Variants in CTNNA2 observed in about 807,000 individuals in gnomAD.
CTNNA2 encodes catenin alpha 2.
In CTNNA2, 42 loss-of-function variants were observed where a neutral mutation model predicts 101.0. The ratio of observed to expected loss-of-function variants is 0.42; its 90% CI spans 0.32 to 0.54. The LOEUF (loss-of-function observed/expected upper bound fraction) is 0.54. Ranked by LOEUF, CTNNA2 falls within the 20% of genes least tolerant of loss-of-function variation. CTNNA2 has a pLI of 0.14. For synonymous variants in CTNNA2, 450 were observed against 456.4 expected (o/e 0.99, Z 0.18); for missense variants, 871 against 1,223.1 (o/e 0.71, Z 4.29).
chr2:80,165,068 T>G (rs1704585768), intron 7 of CTNNA2, among the ~76,000 whole-genome samples: 1 of 151,670 alleles, frequency 6.6e-6, no homozygotes, highest in African/African-American at 2.4e-5. Flanking sequence ...TTCTTGAACC[T>G]GTAACTTTAT....
intron 7 of CTNNA2, among the ~76,000 whole-genome samples, chr2:80,240,241 C>A (rs1489957275): frequency 6.6e-6 from 1 of 152,184 alleles, no homozygotes; most frequent in East Asian, 1.9e-4. Flanking sequence ...CTCTAAGACA[C>A]ACATGAAATA....
At chr2:80,381,266 AG>A (rs762209172) in intron 7 of CTNNA2, among the ~76,000 whole-genome samples, 63 of 151,986 alleles carry the variant, frequency 4.1e-4, no homozygotes, top group Non-Finnish European at 7.9e-4. Flanking sequence ...ACCCAAAGCA[AG>A]CAAAAGACAG....
chr2:80,627,379 T>C (rs1671794933), intron 18 of CTNNA2, among the ~76,000 whole-genome samples: 1 of 152,168 alleles, frequency 6.6e-6, no homozygotes, highest in African/African-American at 2.4e-5. Flanking sequence ...CCAGCATCTG[T>C]TGTTTCCTGA....
chr2:79,287,513 C>T (rs985652817), intron 2 of CTNNA2, among the ~76,000 whole-genome samples: 1 of 150,684 alleles, frequency 6.6e-6, no homozygotes, highest in East Asian at 1.9e-4. Flanking sequence ...AGTACCCGGC[C>T]GTGTGAGGTG....
chr2:79,876,707 T>TTA (rs1683049394), intron 6 of CTNNA2, among the ~76,000 whole-genome samples: 1 of 152,192 alleles, frequency 6.6e-6, no homozygotes, highest in South Asian at 2.1e-4. Flanking sequence ...CCAATTAATG[T>TTA]AACAACCGAT....
intron 2 of CTNNA2, among the ~76,000 whole-genome samples, chr2:79,215,244 C>G (rs928886886): frequency 1.3e-5 from 2 of 152,156 alleles, no homozygotes; most frequent in Admixed American, 6.5e-5. Flanking sequence ...TGTGGGCATT[C>G]CTTGGCCTGG....
At chr2:79,684,708 G>T (rs12472740) in intron 2 of CTNNA2, among the ~76,000 whole-genome samples, 71,158 of 151,830 alleles carry the variant, frequency 0.47, 17,175 homozygotes, top group Non-Finnish European at 0.53. Context: ...TTTTGGAGAC[G>T]GCATAGGGGA....
At chr2:80,320,591 G>GT (rs1678584019) in intron 7 of CTNNA2, among the ~76,000 whole-genome samples, 1 of 152,180 alleles carries the variant, frequency 6.6e-6, no homozygotes, top group African/African-American at 2.4e-5. Context: ...TCAAGTGTGG[G>GT]ATGAAGAGAG....
chr2:80,509,994 T>G (rs766735774), intron 9 of CTNNA2, among the ~76,000 whole-genome samples: 1 of 152,222 alleles, frequency 6.6e-6, no homozygotes, highest in Non-Finnish European at 1.5e-5. Context: ...TCCTTTATTA[T>G]GTTTGTTGAC....
intron 1 of CTNNA2, among the ~76,000 whole-genome samples, chr2:79,610,818 A>G (rs1050211813): frequency 6.6e-6 from 1 of 152,122 alleles, no homozygotes; most frequent in African/African-American, 2.4e-5. Context: ...ATGTTCCGCA[A>G]ATTATCAAAT....
At chr2:79,532,937 G>T in intron 1 of CTNNA2, among the ~76,000 whole-genome samples, 1 of 152,106 alleles carries the variant, frequency 6.6e-6, no homozygotes, top group South Asian at 2.1e-4. Flanking sequence ...ATTCCAAAAA[G>T]ACATTATCAT....
At chr2:80,617,227 C>T (rs183603825) in intron 17 of CTNNA2, among the ~76,000 whole-genome samples, 10 of 151,644 alleles carry the variant, frequency 6.6e-5, no homozygotes, top group African/African-American at 2.2e-4. Context: ...AGAAATTGTG[C>T]TAAGTGACTA....
At chr2:80,572,184 T>C (rs1164304527) in intron 12 of CTNNA2, among the ~76,000 whole-genome samples, 1 of 152,202 alleles carries the variant, frequency 6.6e-6, no homozygotes, top group Non-Finnish European at 1.5e-5. Context: ...TATGCTTTAA[T>C]TTGTTTACCT....
Position 80,303,194 on chromosome 2 carries a change from A to C in CTNNA2, c.1057-90017A>C. The C allele has an allele frequency of 6.2e-7, 1 of 1,613,964 alleles. No individual in the cohort carries two copies. Among genetic ancestry groups the C allele is most frequent in the Non-Finnish European group, 8.5e-7 (1 of 1,179,958 alleles). On this transcript the variant is annotated intron_variant, in intron 7 of 18. Coordinates refer to ENST00000402739, the MANE Select transcript of CTNNA2 (RefSeq NM_001282597.3). This position sits in a 1 kb window ranked among gnomAD's most constrained non-coding sequence, Gnocchi z 7.7. ...CTCGAGGTGCAGCTCGGTGAGCTTA[A>C]ACAAGCCGGCGAAAGAGTTGCGCGC... is the stretch of plus-strand genomic sequence containing the variant.
intron 4 of CTNNA2, among the ~76,000 whole-genome samples, chr2:79,429,406 G>A (rs969036608): frequency 6.6e-6 from 1 of 152,026 alleles, no homozygotes; most frequent in African/African-American, 2.4e-5. Flanking sequence ...GAGATAACAG[G>A]AATAAACATG....
chr2:80,528,676 C>T (rs971391458), intron 9 of CTNNA2, among the ~76,000 whole-genome samples: 1 of 151,592 alleles, frequency 6.6e-6, no homozygotes, highest in African/African-American at 2.4e-5. Flanking sequence ...CAACCCCCAC[C>T]AAAAAAATAA....
chr2:79,891,741 T>C (rs1221778133), intron 6 of CTNNA2, among the ~76,000 whole-genome samples: 3 of 152,034 alleles, frequency 2.0e-5, no homozygotes, highest in African/African-American at 7.2e-5. Context: ...TTAATAAATA[T>C]TACAATACCT....
chr2:80,574,161 A>G lies in CTNNA2; in HGVS notation c.1742-2A>G. ...ATCCTCTGCTTTTTATTTTTAACCCAGTGATGCCACGCTTCGCTGAACAAG... is the reference window on the plus strand; with the variant it reads ...ATCCTCTGCTTTTTATTTTTAACCCGGTGATGCCACGCTTCGCTGAACAAG... On this transcript the variant is annotated splice_acceptor_variant, in intron 12 of 18. Coordinates refer to ENST00000402739, the MANE Select transcript of CTNNA2 (RefSeq NM_001282597.3). LOFTEE classifies it high-confidence loss of function. 1 of 1,609,236 alleles carries G rather than the reference A, an allele frequency of 6.2e-7. No homozygotes were observed. The highest frequency in any genetic ancestry group is 8.5e-7 in the Non-Finnish European group (1 of 1,176,842).
At chr2:79,735,640 G>C (rs183260768) in intron 2 of CTNNA2, among the ~76,000 whole-genome samples, 1 of 152,302 alleles carries the variant, frequency 6.6e-6, no homozygotes, top group Non-Finnish European at 1.5e-5. Flanking sequence ...TAAAAGTTGA[G>C]GGTACGTCTA....
Sources: allele counts gnomAD v4.1 joint callset (sites outside exome capture counted in the v4.1 genomes callset), GRCh38; gene constraint gnomAD v4.1.1; non-coding constraint Gnocchi (gnomAD v3.1); transcripts MANE v1.5; gene names NCBI Gene and HGNC (gene_info 2026-07-23, HGNC 2026-07-21).